RNF130: variants seen among roughly 807,000 people sequenced by gnomAD.
RNF130 encodes the protein ring finger protein 130, also known as E3 ubiquitin-protein ligase RNF130.
In RNF130, 21 loss-of-function variants were observed where a neutral mutation model predicts 44.6. The ratio of observed to expected loss-of-function variants is 0.47; its 90% CI spans 0.33 to 0.68. The LOEUF is 0.68. RNF130 is among the 30% of genes least tolerant of loss of function. RNF130 has a pLI of 0.02. For missense variants in RNF130, 479 were observed against 560.6 expected (o/e 0.85, Z 1.47); for synonymous variants, 214 against 210.4 (o/e 1.02, Z -0.15).
intron 2 of RNF130, among the ~76,000 whole-genome samples, chr5:180,039,003 T>A (rs1028618556): frequency 1.3e-5 from 2 of 152,170 alleles, no homozygotes; most frequent in African/African-American, 4.8e-5. Flanking sequence ...CTCTGAAACC[T>A]AGCAGAAAAA....
chr5:179,950,759 A>C (rs141884583), downstream of RNF130, among the ~76,000 whole-genome samples: 1 of 152,366 alleles, frequency 6.6e-6, no homozygotes, highest in East Asian at 1.9e-4. Context: ...ATGTGAAAAG[A>C]AAGCACATTA....
chr5:180,050,328 A>T (rs1764659309), intron 1 of RNF130, among the ~76,000 whole-genome samples: 1 of 152,230 alleles, frequency 6.6e-6, no homozygotes, highest in Non-Finnish European at 1.5e-5. Flanking sequence ...GGTCTCAGCC[A>T]TAAGGCAGTC....
intron 2 of RNF130, among the ~76,000 whole-genome samples, chr5:180,035,216 G>A (rs923154307): frequency 2.6e-5 from 4 of 152,028 alleles, no homozygotes; most frequent in Non-Finnish European, 4.4e-5. Context: ...CTACAAATTC[G>A]GATGTGTTTT....
chr5:179,933,863 TC>T, intron 7 of RNF130: 1 of 787,566 alleles, frequency 1.3e-6, no homozygotes, highest in East Asian at 3.3e-5. Flanking sequence ...TTCTTCATGG[TC>T]CATGTTGCCA....
intron 2 of RNF130, among the ~76,000 whole-genome samples, chr5:180,037,829 C>A (rs1051386098): frequency 7.9e-5 from 12 of 152,162 alleles, no homozygotes; most frequent in African/African-American, 2.7e-4. Flanking sequence ...ATTATGTTTT[C>A]TAACTGTCTA....
At chr5:180,071,318 G>GGA in intron 1 of RNF130, 138 bp downstream of exon 1, 1 of 808,698 alleles carries the variant, frequency 1.2e-6, no homozygotes, top group Non-Finnish European at 1.7e-6. Context: ...TGTCCACGAC[G>GGA]GAAGCCTCGA....
At chr5:179,932,545 C>G (rs1018974910) in intron 7 of RNF130, among the ~76,000 whole-genome samples, 3 of 151,840 alleles carry the variant, frequency 2.0e-5, no homozygotes, top group Non-Finnish European at 2.9e-5. Flanking sequence ...CAAGTGTGAG[C>G]CACCACGCCC....
intron 3 of RNF130, among the ~76,000 whole-genome samples, chr5:179,999,912 T>C (rs938818851): frequency 6.6e-6 from 1 of 152,210 alleles, no homozygotes; most frequent in Non-Finnish European, 1.5e-5. Context: ...CTGGTTGTTT[T>C]ATATATCCTT....
intron 2 of RNF130, among the ~76,000 whole-genome samples, chr5:180,021,699 AC>A (rs1763875755): frequency 2.0e-5 from 3 of 152,122 alleles, no homozygotes; most frequent in Admixed American, 2.0e-4. Flanking sequence ...AAAACCTAGA[AC>A]CATTCAAGAG....
chr5:180,048,632 T>C (rs1703483909), intron 1 of RNF130, among the ~76,000 whole-genome samples: 1 of 152,132 alleles, frequency 6.6e-6, no homozygotes, highest in African/African-American at 2.4e-5. Flanking sequence ...AGAGAGATGC[T>C]ATCTCAAAAA....
At chr5:179,959,907 T>C (rs1377087489) in intron 8 of RNF130, among the ~76,000 whole-genome samples, 4 of 152,168 alleles carry the variant, frequency 2.6e-5, no homozygotes, top group Non-Finnish European at 4.4e-5. Context: ...TCTTGAATAA[T>C]GAGCTACCGT....
chr5:179,936,628 C>T (rs1462976636), intron 7 of RNF130, among the ~76,000 whole-genome samples: 1 of 152,146 alleles, frequency 6.6e-6, no homozygotes, highest in East Asian at 1.9e-4. Flanking sequence ...AGATACCAAC[C>T]GTTAGCCTTT....
intron 7 of RNF130, among the ~76,000 whole-genome samples, chr5:179,932,727 T>G (rs998904063): frequency 1.3e-5 from 2 of 151,902 alleles, no homozygotes; most frequent in Non-Finnish European, 2.9e-5. Flanking sequence ...TCCCAGCTAC[T>G]TGGGAGGCTG....
chr5:179,976,943 C>T (rs1762727419), intron 5 of RNF130: 1 of 152,150 alleles, frequency 6.6e-6, no homozygotes, highest in Admixed American at 6.5e-5. Flanking sequence ...AACTGTGTAT[C>T]TTAGTTTCAT....
intron 3 of RNF130, among the ~76,000 whole-genome samples, chr5:180,008,893 A>G (rs1212904624): frequency 2.0e-5 from 3 of 152,168 alleles, no homozygotes; most frequent in Non-Finnish European, 4.4e-5. Flanking sequence ...CAAAAGGAAA[A>G]AAAAAAAAGT....
intron 5 of RNF130, among the ~76,000 whole-genome samples, chr5:179,973,283 T>C (rs997158839): frequency 5.3e-5 from 8 of 152,172 alleles, no homozygotes; most frequent in African/African-American, 1.9e-4. Context: ...CCTCCTCTCC[T>C]GTCTCTTCTG....
intron 3 of RNF130, among the ~76,000 whole-genome samples, chr5:179,991,647 G>A (rs924283880): frequency 1.4e-4 from 21 of 152,188 alleles, no homozygotes; most frequent in African/African-American, 3.9e-4. Context: ...CAACCTTTTT[G>A]GCACCAGTGA....
chr5:179,982,442 CTT>C (rs1762860212), intron 3 of RNF130, among the ~76,000 whole-genome samples: 1 of 151,986 alleles, frequency 6.6e-6, no homozygotes, highest in Non-Finnish European at 1.5e-5. Context: ...AGTTGTCTGA[CTT>C]TTATTTAAGA....
intron 5 of RNF130, chr5:179,976,754 A>AT (rs1343422566): frequency 5.3e-5 from 8 of 152,174 alleles, no homozygotes; most frequent in Admixed American, 2.0e-4. Context: ...TGTAAGTAAA[A>AT]TAAGACCAGT....
Sources: allele counts gnomAD v4.1 joint callset (sites outside exome capture counted in the v4.1 genomes callset), GRCh38; gene constraint gnomAD v4.1.1; transcripts MANE v1.5; gene names NCBI Gene and HGNC (gene_info 2026-07-23, HGNC 2026-07-21).